SMG6: variants seen among roughly 807,000 people sequenced by gnomAD.
The protein encoded by SMG6 is SMG6 nonsense mediated mRNA decay factor, also known as telomerase-binding protein EST1A.
SMG6 carries 66 observed loss-of-function variants against 142.2 expected under a neutral mutation model. That is an observed-to-expected ratio of 0.46 (90% confidence interval 0.38 to 0.57). The LOEUF (loss-of-function observed/expected upper bound fraction) is 0.57, where lower values mean the gene tolerates loss of function less well. SMG6 is among the 20% of genes least tolerant of loss of function. The probability of loss-of-function intolerance (pLI) is 0.00; values close to 1 mark genes in which losing one functional copy is unlikely to be tolerated. For synonymous variants in SMG6, 779 were observed against 702.4 expected (o/e 1.11, Z -1.72); for missense variants, 1,793 against 1,832.0 (o/e 0.98, Z 0.39).
Position 2,091,949 on chromosome 17 carries a change from TG to T in SMG6, c.3358-6049del, listed in dbSNP as rs572865841. Among the ~76,000 whole-genome samples, 1,487 of 151,910 alleles carry T rather than the reference TG, an allele frequency of 9.8e-3. 18 individuals carry two copies. Among genetic ancestry groups the T allele is most frequent in the South Asian group, 0.035 (169 of 4,806 alleles). On this transcript the variant is annotated intron_variant, in intron 13 of 18. Coordinates refer to ENST00000263073, the MANE Select transcript of SMG6 (RefSeq NM_017575.5). The stretch of plus-strand genomic sequence containing the variant: ...CGCCCGCCTTGGCCAACCAAAGTGC[TG>T]GGATTACAGGCGTGAGCCACTGCGC...
chr17:2,236,730 CA>C (rs1265522856), intron 9 of SMG6, 93 bp from the exon 10 acceptor site: 19 of 1,370,558 alleles, frequency 1.4e-5, no homozygotes, highest in Middle Eastern at 5.5e-4. Flanking sequence ...CACACACACA[CA>C]CACACACACA....
chr17:2,227,745 C>A (rs1413133626), intron 10 of SMG6, among the ~76,000 whole-genome samples: 1 of 152,168 alleles, frequency 6.6e-6, no homozygotes. Flanking sequence ...TTTACTTCAA[C>A]AAAATTCATT....
intron 13 of SMG6, among the ~76,000 whole-genome samples, chr17:2,121,234 T>TA (rs2069677892): frequency 1.4e-5 from 2 of 144,522 alleles, no homozygotes; most frequent in African/African-American, 5.4e-5. Context: ...TCATAACAGC[T>TA]AAAAACTAGA....
chr17:2,233,848 A>G (rs1478446244), intron 10 of SMG6, among the ~76,000 whole-genome samples: 1 of 152,098 alleles, frequency 6.6e-6, no homozygotes, highest in Admixed American at 6.5e-5. Context: ...GGCAGCCCAC[A>G]CAGCGGGGTC....
intron 13 of SMG6, among the ~76,000 whole-genome samples, chr17:2,130,563 T>C (rs1023469349): frequency 2.0e-5 from 3 of 151,632 alleles, no homozygotes; most frequent in Non-Finnish European, 4.4e-5. Context: ...AACAAAGACA[T>C]AAATGTAAAA....
At chr17:2,171,611 C>T (rs951644424) in intron 13 of SMG6, among the ~76,000 whole-genome samples, 21 of 152,008 alleles carry the variant, frequency 1.4e-4, no homozygotes, top group African/African-American at 4.8e-4. Context: ...TGGGCTCAAG[C>T]GATCCGCCCG....
chr17:2,069,050 G>A, intron 15 of SMG6, 119 bp from the exon 16 acceptor site: 3 of 945,808 alleles, frequency 3.2e-6, no homozygotes, highest in Non-Finnish European at 4.8e-6. Flanking sequence ...CCCCTCCACA[G>A]TAATAACCAG....
At chr17:2,285,547 A>C (rs2074885597) in intron 6 of SMG6, among the ~76,000 whole-genome samples, 1 of 152,240 alleles carries the variant, frequency 6.6e-6, no homozygotes, top group South Asian at 2.1e-4. Flanking sequence ...AAATTAAGAA[A>C]ACAATTTCTG....
chr17:2,135,996 ATGTGTGTGTGTGTGTGTG>A (rs545225787), intron 13 of SMG6, among the ~76,000 whole-genome samples: 3 of 141,210 alleles, frequency 2.1e-5, no homozygotes, highest in African/African-American at 8.0e-5. Context: ...ATATATATTT[ATGTGTGTGTGTGTGTGTG>A]TGTGTGTGTG....
In SMG6 at chr17:2,061,466, G is replaced by GGT. The variant is rs770234882; in HGVS notation, c.*25_*26insAC. 9 of 1,236,438 alleles carry GGT rather than the reference G, an allele frequency of 7.3e-6. No individual in the cohort carries two copies. Among genetic ancestry groups the GGT allele is most frequent in the South Asian group, 1.3e-5 (1 of 74,260 alleles). 76.6% of individuals were successfully genotyped at this position (1,236,438 alleles called of 1,614,324 possible). ...GGTGGCCTTTCAGGAACGGTTCCAC[G>GGT]GGGGGGGGGCCCCAGTGTGGCTCCC... On this transcript the variant is annotated 3_prime_UTR_variant, in exon 19 of 19. Coordinates refer to ENST00000263073, the MANE Select transcript of SMG6 (RefSeq NM_017575.5).
intron 10 of SMG6, among the ~76,000 whole-genome samples, chr17:2,217,328 T>A (rs1055523185): frequency 1.3e-5 from 2 of 152,026 alleles, no homozygotes; most frequent in African/African-American, 2.4e-5. Flanking sequence ...TCTACCATCT[T>A]AGAGAATCAT....
rs762614134 is a variant in SMG6, at chr17:2,186,672, A to G, written c.3146T>C (p.Leu1049Pro). Residue 1049 changes from leucine to proline, a missense_variant, in exon 12 of 19, where the codon CTG becomes CCG. This residue lies in a region of SMG6 where 1,597 missense variants were observed against 1,584.6 expected (regional missense o/e 1.01). Coordinates refer to ENST00000263073, the MANE Select transcript of SMG6 (RefSeq NM_017575.5). ...TWNPPPTSLD[L>P]PSHVAVDVWS... ...GGGCAGGTCAACTCACTGCGAGGGC[A>G]GATCCAGGGATGTGGGAGGAGGATT... is the stretch of plus-strand genomic sequence containing the variant. 21 of 1,614,124 alleles carry G rather than the reference A, an allele frequency of 1.3e-5. No individual in the cohort carries two copies. Among genetic ancestry groups the G allele is most frequent in the Non-Finnish European group, 1.1e-5 (13 of 1,180,038 alleles).
chr17:2,161,637 G>T (rs930238995), intron 13 of SMG6, among the ~76,000 whole-genome samples: 1 of 150,810 alleles, frequency 6.6e-6, no homozygotes, highest in African/African-American at 2.4e-5. Context: ...TTTTGCCCTT[G>T]AACACACCTC....
At chr17:2,108,011 T>C in intron 13 of SMG6, among the ~76,000 whole-genome samples, 1 of 152,234 alleles carries the variant, frequency 6.6e-6, no homozygotes, top group East Asian at 1.9e-4. Flanking sequence ...TCTGAAAAGC[T>C]ACCTGAACCT....
chr17:2,091,688 TGAGA>T lies in SMG6; in HGVS notation c.3358-5791_3358-5788del, dbSNP rs754899262. Among the ~76,000 whole-genome samples, 259 of 125,956 alleles carry T rather than the reference TGAGA, an allele frequency of 2.1e-3. 1 individual carries two copies. Among genetic ancestry groups the T allele is most frequent in the African/African-American group, 9.1e-3 (250 of 27,372 alleles). The allele number at this position is 125,956 out of a possible 152,430, so 82.6% of individuals were successfully genotyped here. A position where few individuals can be genotyped will look rare whatever the true frequency, so the allele number is the denominator to read the frequency against. On this transcript the variant is annotated intron_variant, in intron 13 of 18. Coordinates refer to ENST00000263073, the MANE Select transcript of SMG6 (RefSeq NM_017575.5). ...AGTCTTTTTGCTTTTTTTTTTTTTT[TGAGA>T]GAGAGTCTCGCTCTGTTGCCCAGGC...
chr17:2,173,107 A>G, intron 12 of SMG6: 1 of 509,464 alleles, frequency 2.0e-6, no homozygotes, highest in East Asian at 3.5e-5. Flanking sequence ...CCAGAGAGGA[A>G]AAAGAATTTG....
chr17:2,132,909 G>A (rs1439781571), intron 13 of SMG6, among the ~76,000 whole-genome samples: 2 of 152,158 alleles, frequency 1.3e-5, no homozygotes, highest in East Asian at 3.9e-4. Context: ...CACTCCCCAG[G>A]AAGCTGGGAC....
chr17:2,069,889 G>A (rs1335340970), intron 15 of SMG6, among the ~76,000 whole-genome samples: 1 of 152,088 alleles, frequency 6.6e-6, no homozygotes, highest in African/African-American at 2.4e-5. Context: ...TTATTTACTC[G>A]ACGTTTTTCT....
chr17:2,165,331 C>G (rs2071304132), intron 13 of SMG6, among the ~76,000 whole-genome samples: 1 of 152,018 alleles, frequency 6.6e-6, no homozygotes, highest in South Asian at 2.1e-4. Flanking sequence ...TCTGATACAG[C>G]AGCTCCACTG....
Sources: gnomAD v4.1 joint callset for allele counts (sites outside exome capture counted in the v4.1 genomes callset) on GRCh38, gnomAD v4.1.1 for gene constraint, gnomAD v4.1.1 regional missense constraint, MANE v1.5 for transcripts, NCBI Gene and HGNC (gene_info 2026-07-23, HGNC 2026-07-21) for gene names.